Variants in HPS3 observed in about 807,000 individuals in gnomAD.
The protein encoded by HPS3 is HPS3 biogenesis of lysosomal organelles complex 2 subunit 1.
Under a neutral mutation model 110.9 loss-of-function variants are expected in HPS3, and 79 were observed. That is an observed-to-expected ratio of 0.71 (90% CI 0.59 to 0.86). HPS3 has a LOEUF of 0.86. HPS3 is among the 40% of genes least tolerant of loss of function. HPS3 has a pLI of 0.00. For synonymous variants in HPS3, 428 were observed against 451.0 expected, an observed-to-expected ratio of 0.95 and a Z score of 0.65; for missense variants, 1,197 against 1,206.2, an observed-to-expected ratio of 0.99 and a Z score of 0.11.
chr3:149,172,962 C>T lies in HPS3; in HGVS notation c.*740C>T, dbSNP rs980448103. The stretch of plus-strand genomic sequence containing the variant: ...AAGAAATACATCATTGTATTCACAA[C>T]CATGTGTCTTCATTTATAACTTTTT... On this transcript the variant is annotated 3_prime_UTR_variant, in exon 17 of 17. Transcript: ENST00000296051. 2.0e-5 allele frequency: 3 copies of T among 152,524 alleles called. No homozygotes were observed. Among genetic ancestry groups the T allele is most frequent in the South Asian group, 2.1e-4 (1 of 4,834 alleles). 9.4% of individuals were successfully genotyped at this position (152,524 alleles called of 1,614,324 possible). A position where few individuals can be genotyped will look rare whatever the true frequency, so the allele number is the denominator to read the frequency against.
chr3:149,169,037 A>AAGTG (rs1724713134), intron 16 of HPS3, among the ~76,000 whole-genome samples: 1 of 143,138 alleles, frequency 7.0e-6, no homozygotes, highest in African/African-American at 2.9e-5. Flanking sequence ...TTGTGTGCAT[A>AAGTG]CGTGTGTGTG....
At chr3:149,153,396 C>T (rs1327152131) in intron 6 of HPS3, 98 bp from the exon 7 acceptor site, 2 of 1,046,280 alleles carry the variant, frequency 1.9e-6, no homozygotes, top group Non-Finnish European at 2.9e-6. Context: ...GGGATGGTGG[C>T]AGCAGAAGAG....
rs1222972698 is a variant in HPS3, at chr3:149,173,422, T to C, written c.*1200T>C. The C allele has an allele frequency of 4.3e-6, 1 of 231,812 alleles. No individual in the cohort carries two copies. The highest frequency in any genetic ancestry group is 8.5e-6 in the Non-Finnish European group (1 of 118,052). The allele number at this position is 231,812 out of a possible 1,614,324, so 14.4% of individuals were successfully genotyped here. ...AGGAGAATATCTGGTCATAGATCTTTTTTTAAATGCAGTTTTATAAAACCC... is the reference window on the plus strand; with the variant it reads ...AGGAGAATATCTGGTCATAGATCTTCTTTTAAATGCAGTTTTATAAAACCC... On this transcript the variant is annotated 3_prime_UTR_variant, in exon 17 of 17. Coordinates refer to ENST00000296051, the MANE Select transcript of HPS3 (RefSeq NM_032383.5).
chr3:149,145,208 C>G, intron 4 of HPS3, 146 bp from the exon 5 acceptor site: 1 of 658,814 alleles, frequency 1.5e-6, no homozygotes, highest in South Asian at 1.7e-5. Flanking sequence ...TATTTCTTAC[C>G]AACATTCTTC....
intron 16 of HPS3, chr3:149,170,383 T>A (rs1030330652): frequency 1.1e-4 from 16 of 152,232 alleles, no homozygotes; most frequent in African/African-American, 3.6e-4. Context: ...CAATAATTCA[T>A]ATTTTTCACA....
chr3:149,129,875 TGTGCCAGCCGCG>T lies in HPS3; in HGVS notation c.157_168del (p.Gln53_Cys56del). On this transcript the variant is annotated inframe_deletion, in exon 1 of 17. Transcript: ENST00000296051. ...GCGTTCGCGGTGGCCGGCCAGGAGC[TGTGCCAGCCGCG>T]GTGCGCCTTCTCCACGCTGGGCCGG... 2 of 1,594,696 alleles carry T rather than the reference TGTGCCAGCCGCG, an allele frequency of 1.3e-6. No individual in the cohort carries two copies. Among genetic ancestry groups the T allele is most frequent in the South Asian group, 2.2e-5 (2 of 89,838 alleles).
intron 8 of HPS3, 76 bp from the exon 9 acceptor site, chr3:149,157,274 T>C: frequency 8.0e-7 from 1 of 1,248,930 alleles, no homozygotes; most frequent in Admixed American, 1.7e-5. Context: ...TAACAAAATA[T>C]ATAAATGTTT....
chr3:149,160,106 A>G lies in HPS3; in HGVS notation c.1933A>G (p.Ile645Val), dbSNP rs1372002095. Reference sequence around the variant, plus strand: ...GGCTGAGCCAAAGCAAGTGCCCCATATTCTCTGTAGTCCTTCTATGAAGAA... The same window carrying G: ...GGCTGAGCCAAAGCAAGTGCCCCATGTTCTCTGTAGTCCTTCTATGAAGAA... ...YVAEPKQVPH[I>V]LCSPSMKNIN... Residue 645 changes from isoleucine to valine, a missense_variant, in exon 11 of 17, where the codon ATT (isoleucine) becomes GTT (valine). By Grantham distance (29) the Ile-to-Val change is conservative (BLOSUM62 3). Transcript: ENST00000296051. 3.1e-6 allele frequency: 5 copies of G among 1,613,856 alleles called. No homozygotes were observed. Among genetic ancestry groups the G allele is most frequent in the Non-Finnish European group, 4.2e-6 (5 of 1,179,890 alleles).
At chr3:149,141,530 T>TC (rs1722458562) in intron 4 of HPS3, 150 bp downstream of exon 4, 2 of 541,762 alleles carry the variant, frequency 3.7e-6, no homozygotes, top group South Asian at 4.4e-5. Context: ...TTTTTTTTTT[T>TC]GTTTTTTTTT....
intron 1 of HPS3, among the ~76,000 whole-genome samples, chr3:149,139,754 A>G (rs1302389320): frequency 1.3e-5 from 2 of 152,170 alleles, no homozygotes; most frequent in African/African-American, 4.8e-5. Flanking sequence ...CCTTATATGA[A>G]CTTTCTGTAT....
chr3:149,170,415 T>C (rs1724858749), intron 16 of HPS3: 2 of 152,248 alleles, frequency 1.3e-5, no homozygotes, highest in South Asian at 4.1e-4. Flanking sequence ...AGCTAGTTAG[T>C]AGTTGCTGTT....
rs2689233 is a variant in HPS3 at position 149,150,911 on chromosome 3, C to G, written c.1245+231C>G. Among the ~76,000 whole-genome samples the G allele has an allele frequency of 0.2, 30,836 of 152,054 alleles. 3,483 individuals are homozygous for G. The highest frequency in any genetic ancestry group is 0.3 in the South Asian group (1,456 of 4,824). ...CATTTCACTCCGAATTGATTTAGTG[C>G]ATAGTTTTTAAAGTTTGGTAAAGAA... On this transcript the variant is annotated intron_variant, in intron 6 of 16. Coordinates refer to ENST00000296051, the MANE Select transcript of HPS3 (RefSeq NM_032383.5).
In HPS3 at chr3:149,167,078, G is replaced by A. The variant is rs147593958; in HGVS notation, c.2634G>A (p.Pro878=). Residue 878 remains proline (P), a synonymous_variant, in exon 15 of 17, where the codon CCG becomes CCA. Coordinates refer to ENST00000296051, the MANE Select transcript of HPS3 (RefSeq NM_032383.5). ...CATTTGACATAGCTTCCATTATTCC[G>A]TTCTTGGAGCCACTTTCAGAAGACA... ...GPSFDIASII[P]FLEPLSEDTI... 1.2e-5 allele frequency: 20 copies of A among 1,613,604 alleles called. No homozygotes were observed. Among genetic ancestry groups the A allele is most frequent in the Admixed American group, 3.3e-5 (2 of 59,990 alleles).
At position 149,162,796 on chromosome 3, in the gene HPS3, T is replaced by A; in HGVS notation, c.2399T>A (p.Phe800Tyr). ...LPDVVLQELF[F>Y]KLTSQYIWRL... Reference sequence around the variant, plus strand: ...GATGTGGTACTTCAGGAACTCTTTTTCAAACTCACATCACAGTACATCTGG... The same window carrying A: ...GATGTGGTACTTCAGGAACTCTTTTACAAACTCACATCACAGTACATCTGG... The change falls in exon 13 of 17, where the codon TTC (phenylalanine) becomes TAC (tyrosine). Residue 800 changes from phenylalanine to tyrosine, a missense_variant. Phe to Tyr is a conservative substitution (Grantham distance 22). Transcript: ENST00000296051. 1 of 1,614,062 alleles carries A rather than the reference T, an allele frequency of 6.2e-7. No individual in the cohort carries two copies. Among genetic ancestry groups the A allele is most frequent in the Non-Finnish European group, 8.5e-7 (1 of 1,179,972 alleles).
intron 1 of HPS3, among the ~76,000 whole-genome samples, chr3:149,137,684 T>TA (rs1190966920): frequency 6.6e-6 from 1 of 152,176 alleles, no homozygotes; most frequent in African/African-American, 2.4e-5. Context: ...GGATAAATCT[T>TA]AGAGAAGTTA....
chr3:149,172,125 A>G lies in HPS3; in HGVS notation c.2918A>G (p.Glu973Gly). The change falls in exon 17 of 17, where the codon GAA (glutamate) becomes GGA (glycine). Residue 973 changes from glutamate to glycine, a missense_variant. Glu to Gly is a moderately conservative substitution (Grantham distance 98). Coordinates refer to ENST00000296051, the MANE Select transcript of HPS3 (RefSeq NM_032383.5). ...TTGTCAATTGTTGCTGTGGAACTAG[A>G]ACTGAAGGATTTCATGAATGTTCTC... ...ETLSIVAVEL[E>G]LKDFMNVLPE... is the part of the protein sequence containing the mutation. 6.2e-7 allele frequency: 1 copy of G among 1,613,192 alleles called. No homozygotes were observed. The highest frequency in any genetic ancestry group is 8.5e-7 in the Non-Finnish European group (1 of 1,179,250).
intron 6 of HPS3, 138 bp downstream of exon 6, chr3:149,150,818 T>C: frequency 4.1e-6 from 3 of 737,146 alleles, no homozygotes; most frequent in South Asian, 3.0e-5. Flanking sequence ...TTAGAACTTT[T>C]GGATGTAAAA....
intron 16 of HPS3, chr3:149,168,285 C>A: frequency 3.1e-6 from 1 of 324,518 alleles, no homozygotes; most frequent in Non-Finnish European, 5.8e-6. Flanking sequence ...GCAATTACAT[C>A]TTTTATCAAT....
chr3:149,163,606 G>A (rs966990837), intron 13 of HPS3, among the ~76,000 whole-genome samples: 2 of 152,168 alleles, frequency 1.3e-5, no homozygotes, highest in African/African-American at 4.8e-5. Flanking sequence ...GCTAGAAAGT[G>A]CCTCTTTGGA....
Sources: gnomAD v4.1 joint callset for allele counts (sites outside exome capture counted in the v4.1 genomes callset) on GRCh38, gnomAD v4.1.1 for gene constraint, MANE v1.5 for transcripts, NCBI Gene and HGNC (gene_info 2026-07-23, HGNC 2026-07-21) for gene names.